Variants in CNTN5 observed in about 807,000 individuals in gnomAD.
The protein encoded by CNTN5 is contactin-5.
Under a neutral mutation model 129.1 loss-of-function variants are expected in CNTN5, and 77 were observed. The observed-to-expected ratio is 0.60, with a 90% CI of 0.50 to 0.72. CNTN5 has a LOEUF of 0.72. CNTN5 is among the 30% of genes least tolerant of loss of function. The pLI is 0.00. For synonymous variants in CNTN5, 509 were observed against 465.6 expected, an observed-to-expected ratio of 1.09 and a Z score of -1.20; for missense variants, 1,478 against 1,328.8, an observed-to-expected ratio of 1.11 and a Z score of -1.75.
intron 3 of CNTN5, among the ~76,000 whole-genome samples, chr11:99,798,828 G>A (rs1344898430): frequency 6.6e-6 from 1 of 152,108 alleles, no homozygotes; most frequent in Admixed American, 6.5e-5. Flanking sequence ...CGTAGGAATA[G>A]CATTGAATTT....
chr11:99,473,044 A>T (rs968836824), intron 2 of CNTN5, among the ~76,000 whole-genome samples: 1 of 152,188 alleles, frequency 6.6e-6, no homozygotes, highest in African/African-American at 2.4e-5. Context: ...AGAAGAAGTG[A>T]TTCTGACACA....
intron 9 of CNTN5, among the ~76,000 whole-genome samples, chr11:100,037,245 G>A (rs1359829483): frequency 3.4e-5 from 5 of 147,636 alleles, no homozygotes; most frequent in Non-Finnish European, 7.4e-5. Flanking sequence ...TTTGTCTTTG[G>A]TTCTGTTTAT....
chr11:100,292,431 G>T (rs1277525237), intron 18 of CNTN5, among the ~76,000 whole-genome samples: 1 of 152,044 alleles, frequency 6.6e-6, no homozygotes, highest in East Asian at 1.9e-4. Flanking sequence ...TTCCTGGGCT[G>T]CCAAAATCTA....
chr11:99,092,844 A>G lies in CNTN5; in HGVS notation c.-210+71574A>G, dbSNP rs150851936. Among the ~76,000 whole-genome samples the G allele has an allele frequency of 1.4e-3, 217 of 152,094 alleles. 1 individual carries two copies. Among genetic ancestry groups the G allele is most frequent in the African/African-American group, 5.0e-3 (207 of 41,550 alleles). On this transcript the variant is annotated intron_variant, in intron 1 of 24. Coordinates refer to ENST00000524871, the MANE Select transcript of CNTN5 (RefSeq NM_014361.4). ...ATTGTAGCTATATCTGGGTGGTGTT[A>G]TTATGGTTTATGTTTGTTGTACCCT...
chr11:99,879,960 A>G (rs1480147892), intron 6 of CNTN5, among the ~76,000 whole-genome samples: 2 of 152,160 alleles, frequency 1.3e-5, no homozygotes, highest in Admixed American at 1.3e-4. Flanking sequence ...TAAGGACAAA[A>G]ATGTCAACAA....
intron 3 of CNTN5, among the ~76,000 whole-genome samples, chr11:99,662,479 A>C (rs1952630301): frequency 6.6e-6 from 1 of 151,526 alleles, no homozygotes; most frequent in Non-Finnish European, 1.5e-5. Flanking sequence ...TTAAAACGTA[A>C]CAATGGTTAT....
At chr11:99,422,467 T>C in intron 2 of CNTN5, among the ~76,000 whole-genome samples, 1 of 146,530 alleles carries the variant, frequency 6.8e-6, no homozygotes, top group South Asian at 2.2e-4. Flanking sequence ...CCTAACAGGG[T>C]TTACATCCTG....
intron 3 of CNTN5, among the ~76,000 whole-genome samples, chr11:99,578,360 G>A (rs1949439779): frequency 6.7e-6 from 1 of 148,860 alleles, no homozygotes; most frequent in African/African-American, 2.5e-5. Flanking sequence ...GGGATAGTTG[G>A]GTCAAATGGT....
intron 2 of CNTN5, among the ~76,000 whole-genome samples, chr11:99,429,113 C>T (rs1371644591): frequency 6.6e-6 from 1 of 152,046 alleles, no homozygotes; most frequent in Non-Finnish European, 1.5e-5. Flanking sequence ...ATTCTGAGGA[C>T]ATTTCTAATT....
At chr11:99,392,726 A>G (rs998624585) in intron 2 of CNTN5, among the ~76,000 whole-genome samples, 1 of 151,928 alleles carries the variant, frequency 6.6e-6, no homozygotes, top group African/African-American at 2.4e-5. Flanking sequence ...GCAAATAAAT[A>G]AACAAGAACA....
intron 16 of CNTN5, among the ~76,000 whole-genome samples, chr11:100,238,205 T>G (rs993548221): frequency 6.6e-6 from 1 of 152,154 alleles, no homozygotes; most frequent in Non-Finnish European, 1.5e-5. Context: ...TTGCTGATAC[T>G]TACTTAGTAA....
intron 18 of CNTN5, among the ~76,000 whole-genome samples, chr11:100,288,794 C>T (rs1806043961): frequency 6.6e-6 from 1 of 151,906 alleles, no homozygotes; most frequent in African/African-American, 2.4e-5. Context: ...CACAAAAAAC[C>T]CTTCCAAAAA....
At chr11:100,012,103 G>C (rs931363077) in intron 9 of CNTN5, among the ~76,000 whole-genome samples, 5 of 152,136 alleles carry the variant, frequency 3.3e-5, no homozygotes, top group Admixed American at 2.6e-4. Flanking sequence ...CTGGGGATAG[G>C]AGTCAGTCTC....
chr11:99,152,545 T>G (rs1014663550), intron 1 of CNTN5, among the ~76,000 whole-genome samples: 1 of 152,224 alleles, frequency 6.6e-6, no homozygotes, highest in African/African-American at 2.4e-5. Flanking sequence ...TCATTGCATG[T>G]GAGATGGATC....
At chr11:99,474,514 G>T (rs1328642584) in intron 2 of CNTN5, among the ~76,000 whole-genome samples, 1 of 151,766 alleles carries the variant, frequency 6.6e-6, no homozygotes, top group Non-Finnish European at 1.5e-5. Flanking sequence ...AATAAAAAAA[G>T]CCCATTTCGT....
intron 3 of CNTN5, among the ~76,000 whole-genome samples, chr11:99,725,020 G>A (rs1224682943): frequency 6.6e-6 from 1 of 152,182 alleles, no homozygotes; most frequent in Admixed American, 6.5e-5. Flanking sequence ...AGACTTGATT[G>A]TTTAGAAATA....
rs1951164777 is a variant in CNTN5 at position 100,299,175 on chromosome 11, A to G, written c.2399A>G (p.Glu800Gly). The change falls in exon 20 of 25, where the codon GAG (glutamate) becomes GGG (glycine). Residue 800 changes from glutamate (E) to glycine (G), a missense_variant. Physicochemically the swap from Glu to Gly is moderately conservative, Grantham distance 98. Coordinates refer to ENST00000524871, the MANE Select transcript of CNTN5 (RefSeq NM_014361.4). ...LVIAWEPVSEEFQNGEGFGYI... is the reference protein window; with the variant it reads ...LVIAWEPVSEGFQNGEGFGYI... Reference sequence around the variant, plus strand: ...TTTCTTCTTTAGCCAGTATCTGAAGAGTTTCAGAATGGGGAAGGCTTCGGC... The same window carrying G: ...TTTCTTCTTTAGCCAGTATCTGAAGGGTTTCAGAATGGGGAAGGCTTCGGC... The G allele has an allele frequency of 1.9e-6, 3 of 1,599,986 alleles. 1 individual carries two copies. Among genetic ancestry groups the G allele is most frequent in the South Asian group, 2.2e-5 (2 of 89,812 alleles).
intron 1 of CNTN5, among the ~76,000 whole-genome samples, chr11:99,320,107 G>T (rs11219357): frequency 0.05 from 7,637 of 152,200 alleles, 622 homozygotes; most frequent in African/African-American, 0.17. Context: ...AGCCATGGTG[G>T]CAGGCACCTG....
intron 3 of CNTN5, among the ~76,000 whole-genome samples, chr11:99,654,861 C>A (rs1273633103): frequency 6.6e-6 from 1 of 150,924 alleles, no homozygotes; most frequent in Non-Finnish European, 1.5e-5. Flanking sequence ...ATGTACACAG[C>A]AAGTCAGTGT....
Sources: gnomAD v4.1 joint callset for allele counts (sites outside exome capture counted in the v4.1 genomes callset) on GRCh38, gnomAD v4.1.1 for gene constraint, MANE v1.5 for transcripts, NCBI Gene and HGNC (gene_info 2026-07-23, HGNC 2026-07-21) for gene names.